ASAH1: variants seen among roughly 807,000 people sequenced by gnomAD.
The protein encoded by ASAH1 is acid ceramidase.
In ASAH1, 70 loss-of-function variants were observed where a neutral mutation model predicts 59.5. The ratio of observed to expected loss-of-function variants is 1.18; its 90% CI spans 0.97 to 1.43. The LOEUF is 1.43. Ranked by LOEUF, ASAH1 falls within the 40% of genes most tolerant of loss-of-function variation. ASAH1 has a pLI of 0.00. For synonymous variants in ASAH1, 213 were observed against 166.5 expected, an observed-to-expected ratio of 1.28 and a Z score of -2.15; for missense variants, 660 against 482.5, an observed-to-expected ratio of 1.37 and a Z score of -3.45.
chr8:18,061,922 G>C (rs778260918), intron 8 of ASAH1, 182 bp from the exon 9 acceptor site: 15 of 686,774 alleles, frequency 2.2e-5, no homozygotes, highest in Non-Finnish European at 3.3e-5. Context: ...TAGTATGTGA[G>C]ATAAGTAGGT....
intron 2 of ASAH1, 126 bp downstream of exon 2, chr8:18,075,413 CCT>C: frequency 2.0e-6 from 2 of 1,018,934 alleles, no homozygotes; most frequent in Non-Finnish European, 3.1e-6. Context: ...GAGAAACAAA[CCT>C]CTGTCTCGGA....
rs778670599 is a variant in ASAH1 at position 18,064,417 on chromosome 8, A to T, written c.457+40T>A. ...TCATTTAGAAGATTTTTCTTTATGT[A>T]GTGCTTCATGCTGCCCACCCTCCCT... On this transcript the variant is annotated intron_variant, in intron 6 of 13. Coordinates refer to ENST00000637790, the MANE Select transcript of ASAH1 (RefSeq NM_177924.5). 6 of 1,408,976 alleles carry T rather than the reference A, an allele frequency of 4.3e-6. No homozygotes were observed. The South Asian group carries it at 7.1e-5, about 17-fold the overall frequency. The allele number at this position is 1,408,976 out of a possible 1,614,324, so 87.3% of individuals were successfully genotyped here. A position where few individuals can be genotyped will look rare whatever the true frequency, so the allele number is the denominator to read the frequency against.
chr8:18,064,504 T>C lies in ASAH1; in HGVS notation c.410A>G (p.Tyr137Cys), dbSNP rs371666412. The change falls in exon 6 of 14, where the codon TAT becomes TGT. Residue 137 changes from tyrosine (Y) to cysteine (C), a missense_variant. Tyr to Cys is a radical substitution (Grantham distance 194). Coordinates refer to ENST00000637790, the MANE Select transcript of ASAH1 (RefSeq NM_177924.5). ...TGAAGTACAAATGGTAAATAATTCA[T>C]AAAAAATATTGAATGAAATAATCTC... is the stretch of plus-strand genomic sequence containing the variant. ...LGEIISFNIF[Y>C]ELFTICTSIV... The C allele has an allele frequency of 1.5e-5, 24 of 1,566,904 alleles. No individual in the cohort carries two copies. The highest frequency in any genetic ancestry group is 2.1e-5 in the Non-Finnish European group (24 of 1,141,010).
At chr8:18,073,939 C>A (rs535214221) in intron 2 of ASAH1, among the ~76,000 whole-genome samples, 2 of 152,114 alleles carry the variant, frequency 1.3e-5, no homozygotes, top group Non-Finnish European at 2.9e-5. Context: ...CATGTATACA[C>A]GTGTATGTGT....
chr8:18,069,986 A>G lies in ASAH1; in HGVS notation c.217-108T>C, dbSNP rs1029064029. The G allele has an allele frequency of 2.2e-5, 16 of 714,220 alleles. No individual in the cohort carries two copies. The African/African-American group carries it at 2.7e-4, about 12-fold the overall frequency. The allele number at this position is 714,220 out of a possible 1,614,324, so 44.2% of individuals were successfully genotyped here. A position where few individuals can be genotyped will look rare whatever the true frequency, so the allele number is the denominator to read the frequency against. ...AAGAGAGTGCTATTTGACAATTTAT[A>G]TATATATTTTTTAAAACAGCATCTC... is the stretch of plus-strand genomic sequence containing the variant. On this transcript the variant is annotated intron_variant, in intron 3 of 13. Coordinates refer to ENST00000637790, the MANE Select transcript of ASAH1 (RefSeq NM_177924.5).
intron 1 of ASAH1, among the ~76,000 whole-genome samples, chr8:18,077,034 C>G (rs960640782): frequency 7.9e-5 from 12 of 152,160 alleles, no homozygotes; most frequent in African/African-American, 2.7e-4. Context: ...TGGCTGGGGG[C>G]AGCTCGTTTA....
chr8:18,063,470 CT>C (rs376358665), intron 6 of ASAH1: 20,152 of 288,284 alleles, frequency 0.07, no homozygotes, highest in Middle Eastern at 0.1. Context: ...CACCTGGCTA[CT>C]TTTTTTTTTT....
intron 2 of ASAH1, among the ~76,000 whole-genome samples, chr8:18,074,007 C>A (rs1233718624): frequency 6.6e-6 from 1 of 151,608 alleles, no homozygotes; most frequent in Non-Finnish European, 1.5e-5. Context: ...TAGACACACA[C>A]TCACATGCAC....
chr8:18,071,343 G>A lies in ASAH1; in HGVS notation c.173C>T (p.Pro58Leu). 3.1e-6 allele frequency: 5 copies of A among 1,605,298 alleles called. No homozygotes were observed. The highest frequency in any genetic ancestry group is 4.3e-6 in the Non-Finnish European group (5 of 1,173,960). ...CATCAATTCATGCCATCTTTTGTAG[G>A]GTGGTAAGTCAAGATTTATGGTGTA... is the stretch of plus-strand genomic sequence containing the variant. ...PWYTINLDLPPYKRWHELMLD... is the reference protein window; with the variant it reads ...PWYTINLDLPLYKRWHELMLD... The change falls in exon 3 of 14, where the codon CCC becomes CTC. Residue 58 changes from proline to leucine, a missense_variant. By Grantham distance (98) the Pro-to-Leu change is moderately conservative (BLOSUM62 -3). Coordinates refer to ENST00000637790, the MANE Select transcript of ASAH1 (RefSeq NM_177924.5).
chr8:18,071,254 A>AAAAT (rs2117061941), intron 3 of ASAH1, 46 bp downstream of exon 3: 12 of 902,186 alleles, frequency 1.3e-5, no homozygotes, highest in Non-Finnish European at 1.6e-5. Context: ...GAAATAAAAT[A>AAAAT]AAAAATAAAA....
At chr8:18,077,448 A>C (rs1800453044) in intron 1 of ASAH1, among the ~76,000 whole-genome samples, 2 of 152,316 alleles carry the variant, frequency 1.3e-5, no homozygotes, top group African/African-American at 2.4e-5. Flanking sequence ...GCTTCTTCGA[A>C]AACATCCTCG....
intron 3 of ASAH1, 116 bp downstream of exon 3, chr8:18,071,184 G>T: frequency 2.1e-6 from 1 of 478,192 alleles, no homozygotes; most frequent in African/African-American, 2.1e-5. Context: ...TCCAGCCTGG[G>T]TGACAGAGTG....
chr8:18,065,781 T>C (rs1799904334), intron 5 of ASAH1: 1 of 152,102 alleles, frequency 6.6e-6, no homozygotes, highest in Non-Finnish European at 1.5e-5. Flanking sequence ...TGAAATAGTA[T>C]TGATATAAGG....
chr8:18,069,200 C>T lies in ASAH1; in HGVS notation c.303+592G>A, dbSNP rs569681244. 7.9e-5 allele frequency among the ~76,000 whole-genome samples: 12 copies of T among 151,230 alleles called. No individual in the cohort carries two copies. The East Asian group carries it at 2.1e-3, about 27-fold the overall frequency. ...AAATGTCATTAATGCCCAAAATCTG[C>T]CATCAAGAGCAATGAGGATCCCTTT... On this transcript the variant is annotated intron_variant, in intron 4 of 13. Coordinates refer to ENST00000637790, the MANE Select transcript of ASAH1 (RefSeq NM_177924.5).
At chr8:18,079,006 G>A (rs920719287) in intron 1 of ASAH1, among the ~76,000 whole-genome samples, 3 of 152,096 alleles carry the variant, frequency 2.0e-5, no homozygotes, top group African/African-American at 7.2e-5. Context: ...GCCAGGCATG[G>A]TGGCTCATGC....
In ASAH1 at chr8:18,058,761, A is replaced by T. The variant is rs185572418; in HGVS notation, c.1098+74T>A. On this transcript the variant is annotated intron_variant, in intron 13 of 13. Coordinates refer to ENST00000637790, the MANE Select transcript of ASAH1 (RefSeq NM_177924.5). ...CCTTTTGTGCTCAAACTGATCAAAG[A>T]TAACAGAGAAAGATAAAACATAGGG... The T allele has an allele frequency of 1.0e-3, 1,328 of 1,321,890 alleles. 17 individuals are homozygous for T. Among genetic ancestry groups the T allele is most frequent in the Non-Finnish European group, 6.8e-5 (62 of 914,812 alleles). The allele number at this position is 1,321,890 out of a possible 1,614,324, so 81.9% of individuals were successfully genotyped here. A position where few individuals can be genotyped will look rare whatever the true frequency, so the allele number is the denominator to read the frequency against.
intron 5 of ASAH1, chr8:18,065,184 T>C (rs1004570709): frequency 6.6e-6 from 1 of 151,524 alleles, no homozygotes; most frequent in Non-Finnish European, 1.5e-5. Context: ...CTAGTTATTT[T>C]ATTATACATT....
In ASAH1 at chr8:18,062,051, G is replaced by T. The variant is rs1384903240; in HGVS notation, c.648+228C>A. 19 of 643,116 alleles carry T rather than the reference G, an allele frequency of 3.0e-5. No homozygotes were observed. In the South Asian group the frequency reaches 3.4e-4, roughly 11 times the overall value. 39.8% of individuals were successfully genotyped at this position (643,116 alleles called of 1,614,324 possible). On this transcript the variant is annotated intron_variant, in intron 8 of 13. Transcript: ENST00000637790. Reference sequence around the variant, plus strand: ...AATCAGATTGTGACTCCCAGCCCTTGACACCCAGCCACATGCTCTTTATCC... The same window carrying T: ...AATCAGATTGTGACTCCCAGCCCTTTACACCCAGCCACATGCTCTTTATCC...
At position 18,059,243 on chromosome 8, in the gene ASAH1, G is replaced by A. The variant is rs10107973; in HGVS notation, c.1041+98C>T. 55,464 of 1,571,442 alleles carry A rather than the reference G, an allele frequency of 0.035. 4,418 individuals are homozygous for A. The highest frequency in any genetic ancestry group is 0.28 in the East Asian group (12,438 of 44,640). Reference sequence around the variant, plus strand: ...TGGCTAGAGATACTATGAAAAATAGGACGTTTATAAATTACTTGAAGGCCA... The same window carrying A: ...TGGCTAGAGATACTATGAAAAATAGAACGTTTATAAATTACTTGAAGGCCA... On this transcript the variant is annotated intron_variant, in intron 12 of 13. Coordinates refer to ENST00000637790, the MANE Select transcript of ASAH1 (RefSeq NM_177924.5).
Sources: allele counts gnomAD v4.1 joint callset (sites outside exome capture counted in the v4.1 genomes callset), GRCh38; gene constraint gnomAD v4.1.1; transcripts MANE v1.5; gene names NCBI Gene and HGNC (gene_info 2026-07-23, HGNC 2026-07-21).